Variants in GRIK3 observed in about 807,000 individuals in gnomAD.
GRIK3 encodes the protein glutamate ionotropic receptor kainate type subunit 3, also known as glutamate receptor ionotropic, kainate 3.
GRIK3 carries 29 observed loss-of-function variants against 102.5 expected under a neutral mutation model. The ratio of observed to expected loss-of-function variants is 0.28; its 90% CI spans 0.21 to 0.39. The LOEUF (loss-of-function observed/expected upper bound fraction) is 0.39, where lower values mean the gene tolerates loss of function less well. GRIK3 is among the 10% of genes least tolerant of loss of function. The probability of loss-of-function intolerance (pLI) is 1.00; values close to 1 mark genes in which losing one functional copy is unlikely to be tolerated. For synonymous variants in GRIK3, 511 were observed against 504.9 expected (o/e 1.01, Z -0.16); for missense variants, 908 against 1,252.4 (o/e 0.73, Z 4.15).
intron 1 of GRIK3, among the ~76,000 whole-genome samples, chr1:37,015,474 T>G (rs1021128870): frequency 2.0e-5 from 3 of 152,286 alleles, no homozygotes; most frequent in African/African-American, 7.2e-5. Context: ...AATCTCAGGA[T>G]TTGAGCAAGG....
chr1:37,006,359 T>C lies in GRIK3; in HGVS notation c.115+27635A>G, dbSNP rs191591756. 1.8e-3 allele frequency among the ~76,000 whole-genome samples: 273 copies of C among 152,340 alleles called. 2 individuals carry two copies. The highest frequency in any genetic ancestry group is 6.8e-3 in the Middle Eastern group (2 of 294). ...ATTCAAAGGCCTGGCAAGGCCTAAATATAGCCAGCAGGCCACGTGCAGAAA... is the reference window on the plus strand; with the variant it reads ...ATTCAAAGGCCTGGCAAGGCCTAAACATAGCCAGCAGGCCACGTGCAGAAA... On this transcript the variant is annotated intron_variant, in intron 1 of 15. Transcript: ENST00000373091.
intron 1 of GRIK3, among the ~76,000 whole-genome samples, chr1:36,999,008 A>ATG (rs71816937): frequency 3.6e-5 from 2 of 55,256 alleles, no homozygotes; most frequent in South Asian, 1.1e-3. Flanking sequence ...GTGTGTGTGT[A>ATG]TGTGTGTGTG....
chr1:36,949,574 C>CTTTTTTTTT lies in GRIK3; in HGVS notation c.116-58487_116-58479dup, dbSNP rs60157852. Among the ~76,000 whole-genome samples, 91 of 99,684 alleles carry CTTTTTTTTT rather than the reference C, an allele frequency of 9.1e-4. 1 individual carries two copies. The highest frequency in any genetic ancestry group is 1.2e-3 in the African/African-American group (31 of 25,436). The allele number at this position is 99,684 out of a possible 152,430, so 65.4% of individuals were successfully genotyped here. On this transcript the variant is annotated intron_variant, in intron 1 of 15. Transcript: ENST00000373091. ...TTTTTTTCTTTCTCTCTCTCTCTTTCTTTTTTTTTTTTTTTTTTTTTTTGA... is the reference window on the plus strand; with the variant it reads ...TTTTTTTCTTTCTCTCTCTCTCTTTCTTTTTTTTTTTTTTTTTTTTTTTTTTTTTTTTGA...
chr1:37,027,464 C>A (rs904954197), intron 1 of GRIK3, among the ~76,000 whole-genome samples: 1 of 152,068 alleles, frequency 6.6e-6, no homozygotes, highest in African/African-American at 2.4e-5. Context: ...TAAGGAGGCA[C>A]CCCCTCTCAT....
chr1:37,015,033 T>C (rs576734747), intron 1 of GRIK3, among the ~76,000 whole-genome samples: 4 of 151,972 alleles, frequency 2.6e-5, no homozygotes, highest in African/African-American at 4.8e-5. Flanking sequence ...ATTCCCTACA[T>C]TGGTTCATTC....
rs945024544 is a variant in GRIK3 at position 36,872,962 on chromosome 1, C to A, written c.551-593G>T. Among the ~76,000 whole-genome samples the A allele has an allele frequency of 6.6e-6, 1 of 152,212 alleles. No individual in the cohort carries two copies. Reference sequence around the variant, plus strand: ...CAGGAGGTATTTGTGTCTCCGCCCTCGTCCTCACTAAGGGCAGTCTGCCTT... The same window carrying A: ...CAGGAGGTATTTGTGTCTCCGCCCTAGTCCTCACTAAGGGCAGTCTGCCTT... On this transcript the variant is annotated intron_variant, in intron 3 of 15. Transcript: ENST00000373091. This position sits in a 1 kb window ranked among gnomAD's most constrained non-coding sequence, Gnocchi z 5.9.
intron 1 of GRIK3, among the ~76,000 whole-genome samples, chr1:36,977,218 C>A (rs549703494): frequency 5.9e-5 from 9 of 152,354 alleles, no homozygotes; most frequent in Middle Eastern, 3.4e-3. Context: ...ATCCTTACTT[C>A]ATTGAATCCT....
intron 1 of GRIK3, among the ~76,000 whole-genome samples, chr1:36,953,028 T>G (rs1222724355): frequency 6.6e-6 from 1 of 152,192 alleles, no homozygotes; most frequent in Admixed American, 6.5e-5. Context: ...GACCCAGGAC[T>G]ACTTGGGTGA....
At chr1:36,836,240 T>C (rs551214860) in intron 10 of GRIK3, among the ~76,000 whole-genome samples, 43 of 152,358 alleles carry the variant, frequency 2.8e-4, no homozygotes, top group Admixed American at 9.1e-4. Context: ...GGTTAGAAGA[T>C]GGTGGACATG....
intron 1 of GRIK3, among the ~76,000 whole-genome samples, chr1:36,992,809 A>G (rs1313751324): frequency 6.6e-6 from 1 of 152,192 alleles, no homozygotes; most frequent in Non-Finnish European, 1.5e-5. Context: ...TGAGTACACC[A>G]TCACTACCCA....
chr1:36,895,149 C>T (rs1474124744), intron 1 of GRIK3, among the ~76,000 whole-genome samples: 1 of 152,162 alleles, frequency 6.6e-6, no homozygotes, highest in South Asian at 2.1e-4. Context: ...TTCCCCCTCT[C>T]CTCACCCCTT....
intron 10 of GRIK3, among the ~76,000 whole-genome samples, chr1:36,829,411 T>A (rs970043669): frequency 6.8e-6 from 1 of 146,610 alleles, no homozygotes; most frequent in Non-Finnish European, 1.5e-5. Context: ...TGTTTTTTGT[T>A]TTTTTTTTTT....
At chr1:36,828,810 T>C (rs1642783079) in intron 10 of GRIK3, among the ~76,000 whole-genome samples, 2 of 152,172 alleles carry the variant, frequency 1.3e-5, no homozygotes, top group Admixed American at 1.3e-4. Context: ...TGATGGCAAG[T>C]TGGATAAGAG....
At chr1:37,014,961 C>G (rs1373962258) in intron 1 of GRIK3, among the ~76,000 whole-genome samples, 1 of 146,012 alleles carries the variant, frequency 6.8e-6, no homozygotes, top group African/African-American at 2.6e-5. Flanking sequence ...CTCTCTCTCT[C>G]TGTATCTCTG....
At chr1:36,807,059 G>A (rs1474760172) in intron 13 of GRIK3, among the ~76,000 whole-genome samples, 1 of 152,178 alleles carries the variant, frequency 6.6e-6, no homozygotes, top group South Asian at 2.1e-4. Context: ...AATTGCAGAG[G>A]GGGAGAAAAG....
intron 2 of GRIK3, among the ~76,000 whole-genome samples, chr1:36,883,975 A>G (rs541809241): frequency 1.3e-5 from 2 of 151,908 alleles, no homozygotes; most frequent in South Asian, 4.1e-4. Flanking sequence ...GGGCAAGGTG[A>G]AAGATATAGC....
At chr1:36,918,277 T>A (rs1641423918) in intron 1 of GRIK3, among the ~76,000 whole-genome samples, 1 of 152,184 alleles carries the variant, frequency 6.6e-6, no homozygotes, top group African/African-American at 2.4e-5. Flanking sequence ...CCCTAGCAGG[T>A]AGATTCTGAT....
At chr1:36,853,533 G>A in intron 8 of GRIK3, 82 bp downstream of exon 8, 1 of 889,168 alleles carries the variant, frequency 1.1e-6, no homozygotes, top group South Asian at 1.4e-5. Context: ...CCTTGCCTCT[G>A]GGCCTCTGAC....
chr1:36,809,341 AT>A (rs1450911514), intron 13 of GRIK3, among the ~76,000 whole-genome samples: 4 of 151,864 alleles, frequency 2.6e-5, no homozygotes, highest in African/African-American at 9.7e-5. Context: ...CTATCCATCC[AT>A]TTATCCATCT....
Sources: allele counts gnomAD v4.1 joint callset (sites outside exome capture counted in the v4.1 genomes callset), GRCh38; gene constraint gnomAD v4.1.1; non-coding constraint Gnocchi (gnomAD v3.1); transcripts MANE v1.5; gene names NCBI Gene and HGNC (gene_info 2026-07-23, HGNC 2026-07-21).